Variants in RBMS3 observed in about 807,000 individuals in gnomAD.
RBMS3 encodes RNA-binding motif, single-stranded-interacting protein 3.
Under a neutral mutation model 66.8 loss-of-function variants are expected in RBMS3, and 27 were observed. That is an observed-to-expected ratio of 0.40 (90% CI 0.30 to 0.56). The LOEUF is 0.56. Ranked by LOEUF, RBMS3 falls within the 20% of genes least tolerant of loss-of-function variation. The pLI, the probability that RBMS3 is intolerant of heterozygous loss-of-function variation, is 0.40. For missense variants in RBMS3, 513 were observed against 549.5 expected, an observed-to-expected ratio of 0.93 and a Z score of 0.66; for synonymous variants, 188 against 183.0, an observed-to-expected ratio of 1.03 and a Z score of -0.22.
intron 5 of RBMS3, among the ~76,000 whole-genome samples, chr3:29,751,664 TATTAAACTA>T (rs1174177150): frequency 8.5e-5 from 13 of 152,138 alleles, no homozygotes; most frequent in African/African-American, 2.9e-4. Context: ...AAACCAACAA[TATTAAACTA>T]GTCTTAAAGA....
intron 12 of RBMS3, among the ~76,000 whole-genome samples, chr3:29,955,055 C>T (rs1695937841): frequency 6.6e-6 from 1 of 151,938 alleles, no homozygotes; most frequent in South Asian, 2.1e-4. Flanking sequence ...AGAAATGTTA[C>T]ACTACTTAAA....
At chr3:29,443,045 A>G (rs1026735781) in intron 2 of RBMS3, among the ~76,000 whole-genome samples, 2 of 152,124 alleles carry the variant, frequency 1.3e-5, no homozygotes, top group Admixed American at 1.3e-4. Flanking sequence ...TTCTGGATCC[A>G]TATCTCATTA....
chr3:29,328,345 T>C (rs2035459560), intron 1 of RBMS3, among the ~76,000 whole-genome samples: 1 of 152,194 alleles, frequency 6.6e-6, no homozygotes, highest in Non-Finnish European at 1.5e-5. Context: ...GTGGTAGATA[T>C]GTTTTCTGTA....
intron 4 of RBMS3, among the ~76,000 whole-genome samples, chr3:29,644,483 C>A (rs1168572773): frequency 6.6e-6 from 1 of 152,090 alleles, no homozygotes; most frequent in Admixed American, 6.6e-5. Flanking sequence ...AGCCTGTGGA[C>A]CTAGAGCCTA....
At chr3:29,396,566 C>A (rs1328709300) in intron 1 of RBMS3, among the ~76,000 whole-genome samples, 2 of 152,050 alleles carry the variant, frequency 1.3e-5, no homozygotes, top group Non-Finnish European at 2.9e-5. Flanking sequence ...GGATAAAGAA[C>A]CATGATTTAC....
At chr3:29,391,912 A>G (rs1470582922) in intron 1 of RBMS3, among the ~76,000 whole-genome samples, 1 of 152,224 alleles carries the variant, frequency 6.6e-6, no homozygotes, top group African/African-American at 2.4e-5. Flanking sequence ...ATTGATTTTT[A>G]ACATAATAGA....
At chr3:29,522,381 A>G (rs577325154) in intron 3 of RBMS3, among the ~76,000 whole-genome samples, 3 of 152,186 alleles carry the variant, frequency 2.0e-5, no homozygotes. Flanking sequence ...TTTAGTAGAG[A>G]CGGGGTTTTA....
At chr3:29,997,175 G>A (rs567038269) in intron 14 of RBMS3, among the ~76,000 whole-genome samples, 1 of 151,972 alleles carries the variant, frequency 6.6e-6, no homozygotes, top group Non-Finnish European at 1.5e-5. Context: ...TAGAAGAAAT[G>A]GATAAATTCC....
intron 3 of RBMS3, among the ~76,000 whole-genome samples, chr3:29,557,682 T>C (rs534435339): frequency 6.6e-6 from 1 of 152,320 alleles, no homozygotes; most frequent in Non-Finnish European, 1.5e-5. Flanking sequence ...AATCCAGATA[T>C]TTAGAGCATA....
intron 8 of RBMS3, among the ~76,000 whole-genome samples, chr3:29,896,959 A>G (rs1023253920): frequency 1.3e-5 from 2 of 151,660 alleles, no homozygotes; most frequent in African/African-American, 4.8e-5. Flanking sequence ...CAAAATATCC[A>G]TAACTTTCTA....
chr3:29,384,997 T>G (rs77415477), intron 1 of RBMS3, among the ~76,000 whole-genome samples: 1,649 of 152,148 alleles, frequency 0.011, 36 homozygotes, highest in African/African-American at 0.038. Flanking sequence ...AGAAATGTGT[T>G]GCCGAACAAA....
At chr3:29,347,525 G>T (rs1267270477) in intron 1 of RBMS3, among the ~76,000 whole-genome samples, 2 of 152,076 alleles carry the variant, frequency 1.3e-5, no homozygotes, top group African/African-American at 4.8e-5. Flanking sequence ...TTATCTATGG[G>T]TGTGTGCATT....
chr3:29,524,602 A>ATTTTTTTT (rs1273815210), intron 3 of RBMS3, among the ~76,000 whole-genome samples: 1 of 148,604 alleles, frequency 6.7e-6, no homozygotes. Context: ...CAACTTTTGC[A>ATTTTTTTT]TTTTATTTAT....
intron 12 of RBMS3, among the ~76,000 whole-genome samples, chr3:29,984,831 C>A (rs951286906): frequency 6.6e-6 from 1 of 152,108 alleles, no homozygotes; most frequent in African/African-American, 2.4e-5. Context: ...GAGGTGTCTG[C>A]CAGTCAGGAG....
chr3:29,295,376 TAC>T (rs199558743), intron 1 of RBMS3, among the ~76,000 whole-genome samples: 2 of 146,248 alleles, frequency 1.4e-5, no homozygotes, highest in East Asian at 4.0e-4. Context: ...TATATATATA[TAC>T]ACATATATAT....
intron 12 of RBMS3, among the ~76,000 whole-genome samples, chr3:29,959,146 T>C (rs564319248): frequency 6.6e-6 from 1 of 152,282 alleles, no homozygotes; most frequent in African/African-American, 2.4e-5. Context: ...GGACTGTATG[T>C]ATGGGTTCTC....
At chr3:29,817,960 A>C (rs559314881) in intron 6 of RBMS3, among the ~76,000 whole-genome samples, 5 of 152,268 alleles carry the variant, frequency 3.3e-5, no homozygotes, top group South Asian at 2.1e-4. Flanking sequence ...GCCACCTGCT[A>C]TATGCTATAC....
chr3:29,590,679 A>G (rs971802761), intron 4 of RBMS3, among the ~76,000 whole-genome samples: 3 of 152,110 alleles, frequency 2.0e-5, no homozygotes, highest in African/African-American at 7.2e-5. Context: ...CAGGATATAG[A>G]GAAAAAACTT....
At chr3:29,638,209 T>C (rs1179907844) in intron 4 of RBMS3, among the ~76,000 whole-genome samples, 1 of 150,234 alleles carries the variant, frequency 6.7e-6, no homozygotes, top group African/African-American at 2.5e-5. Flanking sequence ...GAGAAGGATA[T>C]GCTAATGAGT....
Sources: allele counts gnomAD v4.1 joint callset (sites outside exome capture counted in the v4.1 genomes callset), GRCh38; gene constraint gnomAD v4.1.1; transcripts MANE v1.5; gene names NCBI Gene and HGNC (gene_info 2026-07-23, HGNC 2026-07-21).